Variants in SYN2 observed in about 807,000 individuals in gnomAD.
The protein encoded by SYN2 is synapsin II, also known as synapsin-2.
SYN2 carries 19 observed loss-of-function variants against 50.9 expected under a neutral mutation model. The observed-to-expected ratio is 0.37, with a 90% CI of 0.26 to 0.55. SYN2 has a LOEUF of 0.55. Among genes scored for constraint, SYN2 ranks in the 20% least tolerant of loss-of-function variants. The pLI is 0.81. For missense variants in SYN2, 587 were observed against 576.4 expected, an observed-to-expected ratio of 1.02 and a Z score of -0.19; for synonymous variants, 255 against 224.9, an observed-to-expected ratio of 1.13 and a Z score of -1.20.
intron 1 of SYN2, among the ~76,000 whole-genome samples, chr3:12,015,638 C>T (rs868019860): frequency 3.5e-4 from 54 of 152,216 alleles, no homozygotes; most frequent in African/African-American, 1.1e-3. Context: ...CTACACCTTC[C>T]GTTACATAAG....
chr3:12,158,856 C>T (rs1358748022), intron 5 of SYN2: 7 of 1,553,222 alleles, frequency 4.5e-6, no homozygotes, highest in East Asian at 2.3e-5. Context: ...TGCAGATCCG[C>T]GACTGAGCCT....
chr3:12,082,685 G>A (rs1695608158), intron 1 of SYN2, among the ~76,000 whole-genome samples: 1 of 152,152 alleles, frequency 6.6e-6, no homozygotes, highest in Non-Finnish European at 1.5e-5. Context: ...AAAACTCACT[G>A]TTATTCAAAT....
chr3:12,183,593 CTCTG>C, intron 11 of SYN2: 1 of 1,479,914 alleles, frequency 6.8e-7, no homozygotes, highest in Non-Finnish European at 8.9e-7. Flanking sequence ...GTGTCAGCTC[CTCTG>C]TCTGGTTGTT....
intron 1 of SYN2, among the ~76,000 whole-genome samples, chr3:12,086,327 A>G (rs307575): frequency 0.64 from 97,574 of 152,006 alleles, 33,822 homozygotes; most frequent in South Asian, 0.78. Flanking sequence ...AACTCTTCCA[A>G]AAAATGGAAG....
At chr3:12,043,178 A>T (rs1163550029) in intron 1 of SYN2, among the ~76,000 whole-genome samples, 1 of 152,018 alleles carries the variant, frequency 6.6e-6, no homozygotes, top group Non-Finnish European at 1.5e-5. Flanking sequence ...GAGCATCACC[A>T]TGCCCAGCTA....
At chr3:12,040,062 T>A (rs777736436) in intron 1 of SYN2, among the ~76,000 whole-genome samples, 2 of 152,192 alleles carry the variant, frequency 1.3e-5, no homozygotes, top group African/African-American at 4.8e-5. Context: ...GTACAAAGTA[T>A]GCTGATTTGG....
chr3:12,153,398 G>A, intron 5 of SYN2: 1 of 1,208,610 alleles, frequency 8.3e-7, no homozygotes, highest in Non-Finnish European at 1.2e-6. Flanking sequence ...TGTCCACTTG[G>A]CACTTCTTAT....
Position 12,086,238 on chromosome 3 carries a change from C to G in SYN2, c.378-54413C>G, listed in dbSNP as rs368851756. ...ATTGAATAAGTAATAAAAAGTCTCC[C>G]ATCAATGAAAACCCAAGACCTGATG... On this transcript the variant is annotated intron_variant, in intron 1 of 12. Coordinates refer to ENST00000621198, the MANE Select transcript of SYN2 (RefSeq NM_133625.6). Among the ~76,000 whole-genome samples the G allele has an allele frequency of 1.4e-3, 207 of 152,050 alleles. 4 individuals are homozygous for G. In the South Asian group the frequency reaches 0.042, roughly 31 times the overall value.
intron 11 of SYN2, among the ~76,000 whole-genome samples, chr3:12,186,904 T>G (rs1239379622): frequency 6.6e-6 from 1 of 152,220 alleles, no homozygotes; most frequent in African/African-American, 2.4e-5. Context: ...CAGGGAAGTT[T>G]GGTGACTTGC....
At chr3:12,108,026 C>T (rs1014064358) in intron 1 of SYN2, among the ~76,000 whole-genome samples, 3 of 152,026 alleles carry the variant, frequency 2.0e-5, no homozygotes, top group African/African-American at 4.8e-5. Context: ...GCCTGGGCAA[C>T]GTGGTGAGAC....
chr3:12,149,430 G>C (rs930892709), intron 4 of SYN2, among the ~76,000 whole-genome samples: 1 of 152,210 alleles, frequency 6.6e-6, no homozygotes, highest in South Asian at 2.1e-4. Flanking sequence ...CTGAGGGTTC[G>C]TTCTTGACAG....
intron 1 of SYN2, among the ~76,000 whole-genome samples, chr3:12,051,711 T>G (rs181763381): frequency 6.6e-6 from 1 of 152,340 alleles, no homozygotes; most frequent in East Asian, 1.9e-4. Context: ...AAATAGCTTA[T>G]CAGAGATCTT....
chr3:12,085,006 A>AG (rs1695661104), intron 1 of SYN2, among the ~76,000 whole-genome samples: 1 of 151,720 alleles, frequency 6.6e-6, no homozygotes, highest in Admixed American at 6.6e-5. Flanking sequence ...AGGAAAAAAA[A>AG]AATCAGCAAA....
intron 1 of SYN2, among the ~76,000 whole-genome samples, chr3:12,056,566 A>C (rs1055114595): frequency 6.6e-6 from 1 of 152,222 alleles, no homozygotes; most frequent in Non-Finnish European, 1.5e-5. Context: ...TATATTAAAA[A>C]TATTTTTGCC....
chr3:12,183,299 T>C lies in SYN2; in HGVS notation c.1309-13T>C, dbSNP rs779839035. ...GGAGTTTTGTTTTTATCTCTTACAT[T>C]TTTGTCTTCCAGAGCGGAACACTTA... On this transcript the variant is annotated splice_polypyrimidine_tract_variant and intron_variant, in intron 10 of 12. Coordinates refer to ENST00000621198, the MANE Select transcript of SYN2 (RefSeq NM_133625.6). The C allele has an allele frequency of 6.3e-7, 1 of 1,597,428 alleles. No individual in the cohort carries two copies. Among genetic ancestry groups the C allele is most frequent in the Non-Finnish European group, 8.5e-7 (1 of 1,175,426 alleles).
intron 1 of SYN2, among the ~76,000 whole-genome samples, chr3:12,136,463 G>A (rs972674020): frequency 6.6e-6 from 1 of 152,186 alleles, no homozygotes; most frequent in Non-Finnish European, 1.5e-5. Context: ...AAAAGTGGTA[G>A]AAGTAGGCCT....
chr3:12,013,336 A>T (rs1693955664), intron 1 of SYN2, among the ~76,000 whole-genome samples: 1 of 151,590 alleles, frequency 6.6e-6, no homozygotes, highest in South Asian at 2.1e-4. Flanking sequence ...CCCTTTGTCT[A>T]CCTCATTAAA....
At chr3:12,062,061 C>G (rs952714434) in intron 1 of SYN2, among the ~76,000 whole-genome samples, 1 of 151,662 alleles carries the variant, frequency 6.6e-6, no homozygotes, top group Non-Finnish European at 1.5e-5. Context: ...CCAGAATAGC[C>G]GACATAATAC....
chr3:12,104,570 C>CTTTTTTTTTTTTTT (rs796837275), intron 1 of SYN2, among the ~76,000 whole-genome samples: 2 of 81,716 alleles, frequency 2.4e-5, no homozygotes, highest in Non-Finnish European at 4.2e-5. Flanking sequence ...CTTTTCTTTT[C>CTTTTTTTTTTTTTT]TTTTTTTTTT....
Sources: allele counts gnomAD v4.1 joint callset (sites outside exome capture counted in the v4.1 genomes callset), GRCh38; gene constraint gnomAD v4.1.1; transcripts MANE v1.5; gene names NCBI Gene and HGNC (gene_info 2026-07-23, HGNC 2026-07-21).